ENKUR: variants seen among roughly 807,000 people sequenced by gnomAD.
The protein encoded by ENKUR is enkurin, TRPC channel interacting protein.
Under a neutral mutation model 27.6 loss-of-function variants are expected in ENKUR, and 19 were observed. That is an observed-to-expected ratio of 0.69 (90% confidence interval 0.48 to 1.01). The LOEUF is 1.01. ENKUR is among the 50% of genes least tolerant of loss of function. ENKUR has a pLI of 0.00. For synonymous variants in ENKUR, 117 were observed against 96.9 expected (o/e 1.21, Z -1.22); for missense variants, 312 against 310.5 (o/e 1.00, Z -0.04).
At chr10:25,036,480 A>G (rs1851010040) in intron 2 of ENKUR, among the ~76,000 whole-genome samples, 1 of 152,142 alleles carries the variant, frequency 6.6e-6, no homozygotes, top group South Asian at 2.1e-4. Context: ...TCCCTTTCAA[A>G]CAGATGTTTT....
intron 1 of ENKUR, among the ~76,000 whole-genome samples, chr10:25,007,971 T>A (rs1438135439): frequency 2.0e-5 from 3 of 148,594 alleles, no homozygotes; most frequent in African/African-American, 7.3e-5. Flanking sequence ...GCCTGTGATA[T>A]ATTATATATA....
intron 1 of ENKUR, among the ~76,000 whole-genome samples, chr10:25,012,618 T>C (rs1035624957): frequency 6.6e-6 from 1 of 152,262 alleles, no homozygotes; most frequent in Admixed American, 6.5e-5. Context: ...AAGGGGCCTA[T>C]AGCCCCTTTG....
intron 2 of ENKUR, among the ~76,000 whole-genome samples, chr10:25,055,201 C>T (rs1292458383): frequency 6.6e-6 from 1 of 152,130 alleles, no homozygotes; most frequent in Non-Finnish European, 1.5e-5. Context: ...ACTCCTCTCT[C>T]CTTGCCCTCT....
At chr10:25,035,666 G>T (rs908392499) in intron 2 of ENKUR, among the ~76,000 whole-genome samples, 5 of 152,032 alleles carry the variant, frequency 3.3e-5, no homozygotes, top group Admixed American at 6.6e-5. Context: ...TTTCTATGAT[G>T]GTATTTAGGA....
intron 2 of ENKUR, among the ~76,000 whole-genome samples, chr10:25,044,276 T>C (rs961130823): frequency 2.0e-5 from 3 of 152,236 alleles, no homozygotes; most frequent in African/African-American, 7.2e-5. Context: ...ATGTTTGGTT[T>C]TAGGCTTTAT....
At chr10:25,042,855 A>AG (rs972077776) in intron 2 of ENKUR, among the ~76,000 whole-genome samples, 23 of 151,956 alleles carry the variant, frequency 1.5e-4, no homozygotes, top group Admixed American at 6.6e-5. Context: ...CTCAAAAAAA[A>AG]AAAATTAAAA....
At chr10:25,024,944 G>A (rs748449768) in intron 2 of ENKUR, 2 of 1,613,956 alleles carry the variant, frequency 1.2e-6, no homozygotes, top group East Asian at 2.2e-5. Flanking sequence ...AACCTAGAAC[G>A]ACATTTACAC....
chr10:25,026,209 C>T (rs1254630264), intron 2 of ENKUR: 1 of 166,730 alleles, frequency 6.0e-6, no homozygotes. Flanking sequence ...TCCTCAAATT[C>T]CATTTTGGAC....
rs372214436 is a variant in ENKUR at position 24,990,537 on chromosome 10, G to A, written c.520C>T (p.Arg174Cys). Residue 174 changes from arginine (R) to cysteine (C), a missense_variant, in exon 4 of 6, where the codon CGT becomes TGT. Physicochemically the swap from Arg to Cys is radical, Grantham distance 180. Coordinates refer to ENST00000331161, the MANE Select transcript of ENKUR (RefSeq NM_145010.4). ...EIKKAQEDYDRYIQENLKKAA... is the reference protein window; with the variant it reads ...EIKKAQEDYDCYIQENLKKAA... Reference sequence around the variant, plus strand: ...TTCTTAAGGTTTTCCTGGATATAACGATCATAGTCTTCTTGGGCTTTCTTT... The same window carrying A: ...TTCTTAAGGTTTTCCTGGATATAACAATCATAGTCTTCTTGGGCTTTCTTT... 14 of 1,613,854 alleles carry A rather than the reference G, an allele frequency of 8.7e-6. No individual in the cohort carries two copies. Among genetic ancestry groups the A allele is most frequent in the African/African-American group, 4.0e-5 (3 of 74,908 alleles).
At chr10:25,020,272 A>G (rs535261474), upstream of ENKUR, among the ~76,000 whole-genome samples, 1 of 137,506 alleles carries the variant, frequency 7.3e-6, no homozygotes, top group Admixed American at 8.0e-5. Flanking sequence ...CTATATCTAT[A>G]TCTATATATA....
chr10:25,061,308 G>A (rs150567171), exon 2 of ENKUR: 81 of 652,678 alleles, frequency 1.2e-4, no homozygotes, highest in Middle Eastern at 4.2e-4. Flanking sequence ...TTCTTGTGCC[G>A]CTCCTCCAGC....
intron 1 of ENKUR, among the ~76,000 whole-genome samples, chr10:25,011,980 G>A (rs1850457275): frequency 6.6e-6 from 1 of 152,218 alleles, no homozygotes; most frequent in Non-Finnish European, 1.5e-5. Context: ...GGTTTCATGG[G>A]CTGGGCCCAG....
chr10:25,019,945 C>T (rs57734936), upstream of ENKUR, among the ~76,000 whole-genome samples: 2,027 of 151,702 alleles, frequency 0.013, 58 homozygotes, highest in African/African-American at 0.046. Flanking sequence ...ATATATATGC[C>T]TTCTATGTAT....
chr10:25,023,713 C>T (rs765878202), intron 2 of ENKUR: 3 of 1,613,708 alleles, frequency 1.9e-6, no homozygotes, highest in Non-Finnish European at 2.5e-6. Context: ...TCTAATTTGT[C>T]GTCTAAAATT....
At chr10:25,059,366 A>G (rs2130500612) in intron 2 of ENKUR, among the ~76,000 whole-genome samples, 1 of 152,188 alleles carries the variant, frequency 6.6e-6, no homozygotes, top group East Asian at 1.9e-4. Flanking sequence ...TCCTGACCTC[A>G]GGTGATCCAC....
chr10:24,994,228 T>G (rs773578435), intron 3 of ENKUR, among the ~76,000 whole-genome samples: 24 of 151,268 alleles, frequency 1.6e-4, no homozygotes, highest in Non-Finnish European at 1.3e-4. Flanking sequence ...TTTATCTCTC[T>G]TCCTTTTTCT....
At position 25,057,373 on chromosome 10, in the gene ENKUR, A is replaced by C. The variant is rs1186639761; in HGVS notation, c.37+3739T>G. Reference sequence around the variant, plus strand: ...ATATGTAATCAGCTTAACCCTCTGCACTTTGGTACACACACACACACACAC... The same window carrying C: ...ATATGTAATCAGCTTAACCCTCTGCCCTTTGGTACACACACACACACACAC... On this transcript the variant is annotated intron_variant, in intron 2 of 5. Transcript: ENST00000615958. 5.3e-5 allele frequency among the ~76,000 whole-genome samples: 7 copies of C among 131,878 alleles called. No homozygotes were observed. In the Admixed American group the frequency reaches 5.7e-4, roughly 11 times the overall value. 86.5% of individuals were successfully genotyped at this position (131,878 alleles called of 152,430 possible). A position where few individuals can be genotyped will look rare whatever the true frequency, so the allele number is the denominator to read the frequency against.
At chr10:24,997,599 G>C (rs1303458196) in intron 2 of ENKUR, among the ~76,000 whole-genome samples, 2 of 151,908 alleles carry the variant, frequency 1.3e-5, no homozygotes, top group African/African-American at 2.4e-5. Context: ...TTGTTGCTCA[G>C]GCTGGTCTCG....
intron 2 of ENKUR, chr10:25,024,656 C>T (rs746669467): frequency 6.2e-6 from 10 of 1,614,070 alleles, no homozygotes; most frequent in African/African-American, 2.7e-5. Context: ...CGACTACTTC[C>T]GCAGGTAGTT....
Sources: gnomAD v4.1 joint callset for allele counts (sites outside exome capture counted in the v4.1 genomes callset) on GRCh38, gnomAD v4.1.1 for gene constraint, MANE v1.5 for transcripts, NCBI Gene and HGNC (gene_info 2026-07-23, HGNC 2026-07-21) for gene names.